The following SPAG16 variants were observed in gnomAD, a reference collection of about 807,000 sequenced individuals.
SPAG16 encodes sperm associated antigen 16.
Under a neutral mutation model 80.4 loss-of-function variants are expected in SPAG16, and 86 were observed. The observed-to-expected ratio is 1.07, with a 90% CI of 0.90 to 1.28. The LOEUF (loss-of-function observed/expected upper bound fraction) is 1.28, where lower values mean the gene tolerates loss of function less well. Ranked by LOEUF, SPAG16 falls within the 50% of genes most tolerant of loss-of-function variation. SPAG16 has a pLI of 0.00. For missense variants in SPAG16, 870 were observed against 765.3 expected (o/e 1.14, Z -1.61); for synonymous variants, 294 against 265.9 (o/e 1.11, Z -1.03).
intron 15 of SPAG16, among the ~76,000 whole-genome samples, chr2:214,319,135 T>C (rs1429953460): frequency 6.6e-6 from 1 of 151,228 alleles, no homozygotes; most frequent in African/African-American, 2.4e-5. Context: ...AGAAAAGGAC[T>C]GCTCTACCTA....
At chr2:213,630,726 T>C (rs991736357) in intron 10 of SPAG16, among the ~76,000 whole-genome samples, 8 of 152,180 alleles carry the variant, frequency 5.3e-5, no homozygotes, top group Non-Finnish European at 1.2e-4. Flanking sequence ...AAGTTTTATA[T>C]AAGTAGTAAG....
chr2:213,863,378 A>G (rs1247193009), intron 11 of SPAG16, among the ~76,000 whole-genome samples: 3 of 151,854 alleles, frequency 2.0e-5, no homozygotes, highest in African/African-American at 7.3e-5. Context: ...CTTATGATTT[A>G]TTTTCATGTT....
At chr2:213,500,926 G>T (rs899117079) in intron 10 of SPAG16, among the ~76,000 whole-genome samples, 1 of 152,094 alleles carries the variant, frequency 6.6e-6, no homozygotes, top group African/African-American at 2.4e-5. Context: ...AACTGTGTAG[G>T]TCATGAGTAA....
chr2:213,442,841 T>C lies in SPAG16; in HGVS notation c.943-47122T>C, dbSNP rs971503547. Among the ~76,000 whole-genome samples, 24 of 152,118 alleles carry C rather than the reference T, an allele frequency of 1.6e-4. 1 individual carries two copies. Among genetic ancestry groups the C allele is most frequent in the Non-Finnish European group, 1.5e-5 (1 of 68,010 alleles). The stretch of plus-strand genomic sequence containing the variant: ...ATATAACAGAAAATCTAGATTACCT[T>C]GGATTTGGTGGATATAGCACCAAAG... On this transcript the variant is annotated intron_variant, in intron 9 of 15. Transcript: ENST00000331683.
At chr2:214,177,103 A>G (rs2057116756) in intron 15 of SPAG16, among the ~76,000 whole-genome samples, 1 of 151,222 alleles carries the variant, frequency 6.6e-6, no homozygotes, top group African/African-American at 2.4e-5. Context: ...CACAATTCTC[A>G]GTATGTGAGC....
In SPAG16 at chr2:213,350,548, C is replaced by G; in HGVS notation, c.665C>G (p.Ser222Cys). 6.3e-7 allele frequency: 1 copy of G among 1,576,216 alleles called. No individual in the cohort carries two copies. ...TATAGGTTGAAGTTACATTATGCAT[C>G]TTATGAACCGACTATAAGGGTGTTA... The part of the protein sequence containing the change: ...DLKGLKLHYA[S>C]YEPTIRVLHE... Residue 222 changes from serine to cysteine, a missense_variant, in exon 7 of 16, where the codon TCT becomes TGT. By Grantham distance (112) the Ser-to-Cys change is moderately radical. Transcript: ENST00000331683.
chr2:213,689,370 T>C (rs1018434766), intron 10 of SPAG16, among the ~76,000 whole-genome samples: 16 of 152,204 alleles, frequency 1.1e-4, no homozygotes, highest in African/African-American at 3.6e-4. Context: ...TGTTAATTTT[T>C]GTTTGGATGC....
intron 15 of SPAG16, among the ~76,000 whole-genome samples, chr2:214,376,586 G>A (rs1700148379): frequency 6.6e-6 from 1 of 151,996 alleles, no homozygotes; most frequent in South Asian, 2.1e-4. Context: ...ATCTTGTATT[G>A]TACTGACATT....
intron 14 of SPAG16, among the ~76,000 whole-genome samples, chr2:214,132,487 T>C (rs2054829268): frequency 6.6e-6 from 1 of 152,204 alleles, no homozygotes; most frequent in Non-Finnish European, 1.5e-5. Context: ...TGGTCTAGAA[T>C]GAAAAGACGG....
intron 10 of SPAG16, among the ~76,000 whole-genome samples, chr2:213,610,663 AAAAGT>A (rs2061413625): frequency 6.6e-6 from 1 of 151,924 alleles, no homozygotes. Context: ...TGTTTATTAA[AAAAGT>A]AAAGTGGTGA....
chr2:213,673,807 A>C (rs957223189), intron 10 of SPAG16, among the ~76,000 whole-genome samples: 22 of 152,254 alleles, frequency 1.4e-4, no homozygotes, highest in East Asian at 5.8e-4. Flanking sequence ...CAAACAACAA[A>C]AAAAAATAAA....
intron 10 of SPAG16, among the ~76,000 whole-genome samples, chr2:213,776,612 G>T (rs1434743100): frequency 1.3e-5 from 2 of 152,162 alleles, no homozygotes; most frequent in African/African-American, 2.4e-5. Context: ...TGTAAAAGTT[G>T]TGAGGGTGAA....
rs192298394 is a variant in SPAG16 at position 213,703,090 on chromosome 2, G to T, written c.1071-159395G>T. On this transcript the variant is annotated intron_variant, in intron 10 of 15. Transcript: ENST00000331683. The stretch of plus-strand genomic sequence containing the variant: ...CGTTTTAATGGTCAGTACACACTTT[G>T]CCATTCTCTTTTTCCCTCTCCTGTG... 1.1e-4 allele frequency among the ~76,000 whole-genome samples: 16 copies of T among 152,272 alleles called. No individual in the cohort carries two copies. In the East Asian group the frequency reaches 2.9e-3, roughly 28 times the overall value.
At chr2:213,635,122 A>G (rs1574582365) in intron 10 of SPAG16, among the ~76,000 whole-genome samples, 1 of 149,306 alleles carries the variant, frequency 6.7e-6, no homozygotes, top group South Asian at 2.1e-4. Context: ...TGCAAGCTCC[A>G]CCTCCCAGTT....
chr2:214,221,788 G>A (rs2058577389), intron 15 of SPAG16, among the ~76,000 whole-genome samples: 1 of 151,980 alleles, frequency 6.6e-6, no homozygotes, highest in Non-Finnish European at 1.5e-5. Context: ...TTTCACTTTA[G>A]CATTTCAATT....
chr2:213,476,705 T>C (rs2073415655), intron 9 of SPAG16, among the ~76,000 whole-genome samples: 1 of 152,204 alleles, frequency 6.6e-6, no homozygotes, highest in Non-Finnish European at 1.5e-5. Flanking sequence ...CAGTGGCTTC[T>C]TCACTCCCAT....
chr2:213,701,825 G>A (rs891642540), intron 10 of SPAG16, among the ~76,000 whole-genome samples: 22 of 151,920 alleles, frequency 1.4e-4, no homozygotes, highest in African/African-American at 4.6e-4. Context: ...GTTTGTAAAC[G>A]TGACAATCAG....
chr2:214,329,089 T>C (rs1286916179), intron 15 of SPAG16, among the ~76,000 whole-genome samples: 1 of 152,210 alleles, frequency 6.6e-6, no homozygotes, highest in African/African-American at 2.4e-5. Context: ...ATAGCCAATC[T>C]GTGACGCAAA....
At chr2:214,282,546 T>C (rs569961354) in intron 15 of SPAG16, among the ~76,000 whole-genome samples, 11 of 152,326 alleles carry the variant, frequency 7.2e-5, no homozygotes, top group African/African-American at 2.6e-4. Flanking sequence ...TAGTGATTCT[T>C]ACTACCTATT....
Sources: allele counts gnomAD v4.1 joint callset (sites outside exome capture counted in the v4.1 genomes callset), GRCh38; gene constraint gnomAD v4.1.1; transcripts MANE v1.5; gene names NCBI Gene and HGNC (gene_info 2026-07-23, HGNC 2026-07-21).